The following FCHSD2 variants were observed in gnomAD, a reference collection of about 807,000 sequenced individuals.
FCHSD2 encodes F-BAR and double SH3 domains protein 2.
In FCHSD2, 38 loss-of-function variants were observed where a neutral mutation model predicts 108.1. That is an observed-to-expected ratio of 0.35 (90% CI 0.27 to 0.46). FCHSD2 has a LOEUF of 0.46. Among genes scored for constraint, FCHSD2 ranks in the 20% least tolerant of loss-of-function variants. The pLI, the probability that FCHSD2 is intolerant of heterozygous loss-of-function variation, is 1.00. For missense variants in FCHSD2, 751 were observed against 897.8 expected (o/e 0.84, Z 2.09); for synonymous variants, 279 against 314.7 (o/e 0.89, Z 1.20).
At chr11:72,988,933 A>C in intron 6 of FCHSD2, 31 bp downstream of exon 6, 1 of 1,572,386 alleles carries the variant, frequency 6.4e-7, no homozygotes. Flanking sequence ...TATTTGCATA[A>C]TAATTTTCTC....
intron 13 of FCHSD2, among the ~76,000 whole-genome samples, chr11:72,853,408 A>C (rs1861344305): frequency 6.6e-6 from 1 of 152,128 alleles, no homozygotes; most frequent in African/African-American, 2.4e-5. Context: ...ACTTTATGAC[A>C]CTGGATTTGG....
intron 2 of FCHSD2, among the ~76,000 whole-genome samples, chr11:73,129,475 C>A (rs1860942410): frequency 6.6e-6 from 1 of 152,144 alleles, no homozygotes; most frequent in African/African-American, 2.4e-5. Flanking sequence ...ATGGCACGAA[C>A]CCTATTGTGA....
chr11:72,876,782 T>C (rs1854979100), intron 12 of FCHSD2, among the ~76,000 whole-genome samples: 1 of 152,194 alleles, frequency 6.6e-6, no homozygotes, highest in Non-Finnish European at 1.5e-5. Flanking sequence ...CCTACTACAA[T>C]TGTAGATTTG....
intron 2 of FCHSD2, among the ~76,000 whole-genome samples, chr11:73,101,034 A>T (rs1022478541): frequency 2.6e-5 from 4 of 152,040 alleles, no homozygotes; most frequent in Non-Finnish European, 5.9e-5. Context: ...CTTCCTTTAA[A>T]AAGTACCTCT....
intron 5 of FCHSD2, among the ~76,000 whole-genome samples, chr11:72,993,988 C>CT (rs1857472876): frequency 6.6e-6 from 1 of 152,142 alleles, no homozygotes; most frequent in East Asian, 1.9e-4. Flanking sequence ...GGACATGTCC[C>CT]TTACAGGGAC....
chr11:72,895,125 A>C (rs1254893580), intron 10 of FCHSD2, among the ~76,000 whole-genome samples: 2 of 152,296 alleles, frequency 1.3e-5, no homozygotes, highest in East Asian at 3.9e-4. Flanking sequence ...CTTCACTTGG[A>C]AAGAAGTGGG....
At chr11:73,123,380 C>A (rs367734791) in intron 2 of FCHSD2, among the ~76,000 whole-genome samples, 1 of 152,150 alleles carries the variant, frequency 6.6e-6, no homozygotes, top group Non-Finnish European at 1.5e-5. Flanking sequence ...GCATATTAAA[C>A]GGTGGTAACT....
chr11:73,045,831 G>C lies in FCHSD2; in HGVS notation c.166-29946C>G, dbSNP rs147327239. On this transcript the variant is annotated intron_variant, in intron 3 of 19. Transcript: ENST00000409418. ...ATACCTAATGCTAGATGATGAGTTA[G>C]TGGGTGCAGCCACCAGCATGGCACA... 3.1e-3 allele frequency among the ~76,000 whole-genome samples: 464 copies of C among 152,020 alleles called. 1 individual carries two copies. Among genetic ancestry groups the C allele is most frequent in the African/African-American group, 0.011 (444 of 41,436 alleles).
chr11:73,131,621 T>C (rs1861004693), intron 2 of FCHSD2, among the ~76,000 whole-genome samples: 2 of 151,744 alleles, frequency 1.3e-5, no homozygotes, highest in South Asian at 4.1e-4. Context: ...CAAGGATCGC[T>C]TGAGTCTGGA....
At chr11:73,024,567 G>A (rs549857656) in intron 3 of FCHSD2, among the ~76,000 whole-genome samples, 21 of 152,066 alleles carry the variant, frequency 1.4e-4, no homozygotes, top group African/African-American at 4.1e-4. Flanking sequence ...TTACATGGGG[G>A]TAAATTAGAG....
At chr11:73,059,675 G>A (rs778573205) in intron 3 of FCHSD2, among the ~76,000 whole-genome samples, 3 of 151,990 alleles carry the variant, frequency 2.0e-5, no homozygotes, top group Admixed American at 6.6e-5. Flanking sequence ...CTGAGAAACC[G>A]GCTAATAATG....
At chr11:73,116,835 C>A (rs1860615232) in intron 2 of FCHSD2, among the ~76,000 whole-genome samples, 1 of 152,136 alleles carries the variant, frequency 6.6e-6, no homozygotes, top group African/African-American at 2.4e-5. Flanking sequence ...CAGCGCCTGG[C>A]CCATATCTCT....
intron 3 of FCHSD2, among the ~76,000 whole-genome samples, chr11:73,026,857 G>A (rs1016400588): frequency 2.0e-5 from 3 of 152,060 alleles, no homozygotes; most frequent in Non-Finnish European, 4.4e-5. Context: ...CCCTTTGCTC[G>A]CTCTCTCTCC....
chr11:73,003,559 T>G (rs1392648599), intron 4 of FCHSD2, among the ~76,000 whole-genome samples: 4 of 149,672 alleles, frequency 2.7e-5, no homozygotes, highest in Non-Finnish European at 5.9e-5. Context: ...GGATCTCGGC[T>G]CACTGCAAGC....
rs568665491 is a variant in FCHSD2, at chr11:72,846,510, G to A, written c.1444-2978C>T. 5.3e-5 allele frequency among the ~76,000 whole-genome samples: 8 copies of A among 152,124 alleles called. No homozygotes were observed. In the South Asian group the frequency reaches 1.0e-3, roughly 20 times the overall value. On this transcript the variant is annotated intron_variant, in intron 14 of 19. Transcript: ENST00000409418. The stretch of plus-strand genomic sequence containing the variant: ...TTTGTTCTTAAAAGGCTCTCTGAGC[G>A]TCCCCATAACACTGACTACCATGAT...
rs556772498 is a variant in FCHSD2 at position 73,066,218 on chromosome 11, G to A, written c.165+17477C>T. ...ACACACCTACAACCAACTGATCTTT[G>A]ACAAACCTGACACAAACAAGCAATG... On this transcript the variant is annotated intron_variant, in intron 3 of 19. Transcript: ENST00000409418. Among the ~76,000 whole-genome samples, 4 of 152,224 alleles carry A rather than the reference G, an allele frequency of 2.6e-5. No individual in the cohort carries two copies. In the East Asian group the frequency reaches 7.7e-4, roughly 29 times the overall value.
chr11:73,087,447 T>C (rs541813622), intron 2 of FCHSD2, among the ~76,000 whole-genome samples: 3 of 152,264 alleles, frequency 2.0e-5, no homozygotes, highest in South Asian at 4.1e-4. Context: ...TGGCTCACCC[T>C]GTAATCCCAG....
At chr11:73,122,375 T>G (rs1159862155) in intron 2 of FCHSD2, among the ~76,000 whole-genome samples, 1 of 152,168 alleles carries the variant, frequency 6.6e-6, no homozygotes, top group African/African-American at 2.4e-5. Flanking sequence ...TGCACCCTGA[T>G]AGCCCCAGAG....
rs1565339614 is a variant in FCHSD2, at chr11:72,954,196, A to AATTTTT, written c.705+29891_705+29892insAAAAAT. ...TAGAATATTAGCAGTAGATGTGGGG[A>AATTTTT]TTTTTTTTTTTTTTTTTTTTTTTTT... On this transcript the variant is annotated intron_variant, in intron 8 of 19. Transcript: ENST00000409418. Among the ~76,000 whole-genome samples, 15 of 111,702 alleles carry AATTTTT rather than the reference A, an allele frequency of 1.3e-4. 6 individuals are homozygous for AATTTTT. The highest frequency in any genetic ancestry group is 1.8e-4 in the Non-Finnish European group (10 of 55,680). The allele number at this position is 111,702 out of a possible 152,430, so 73.3% of individuals were successfully genotyped here.
Sources: allele counts gnomAD v4.1 joint callset (sites outside exome capture counted in the v4.1 genomes callset), GRCh38; gene constraint gnomAD v4.1.1; transcripts MANE v1.5; gene names NCBI Gene and HGNC (gene_info 2026-07-23, HGNC 2026-07-21).